RIMS2: variants seen among roughly 807,000 people sequenced by gnomAD.
RIMS2 encodes regulating synaptic membrane exocytosis 2.
A neutral mutation model predicts 174.4 loss-of-function variants in RIMS2; 59 were observed. The ratio of observed to expected loss-of-function variants is 0.34; its 90% confidence interval spans 0.27 to 0.42. The LOEUF is 0.42. Among genes scored for constraint, RIMS2 ranks in the 10% least tolerant of loss-of-function variants. The pLI, the probability that RIMS2 is intolerant of heterozygous loss-of-function variation, is 1.00. For missense variants in RIMS2, 1,620 were observed against 1,666.3 expected, an observed-to-expected ratio of 0.97 and a Z score of 0.48; for synonymous variants, 606 against 572.5, an observed-to-expected ratio of 1.06 and a Z score of -0.84.
At chr8:103,821,059 G>C (rs1363140898) in intron 3 of RIMS2, among the ~76,000 whole-genome samples, 1 of 150,842 alleles carries the variant, frequency 6.6e-6, no homozygotes, top group African/African-American at 2.4e-5. Context: ...CCAAGAATTT[G>C]TGTGTAAATG....
At chr8:104,101,561 TAC>T (rs147589283) in intron 19 of RIMS2, among the ~76,000 whole-genome samples, 19 of 151,602 alleles carry the variant, frequency 1.3e-4, no homozygotes, top group Non-Finnish European at 7.4e-5. Context: ...TACATATAGA[TAC>T]ACACACACAC....
intron 3 of RIMS2, among the ~76,000 whole-genome samples, chr8:103,772,598 T>G (rs1362295745): frequency 6.6e-6 from 1 of 152,148 alleles, no homozygotes; most frequent in Admixed American, 6.5e-5. Flanking sequence ...CCCAATTTGA[T>G]TTATATATAC....
At chr8:103,684,546 TTTATTTTATTTTA>T in intron 1 of RIMS2, among the ~76,000 whole-genome samples, 1 of 16,306 alleles carries the variant, frequency 6.1e-5, no homozygotes, top group Non-Finnish European at 8.9e-5. Flanking sequence ...CTTTTTTTAT[TTTATTTTATTTTA>T]TTTTATTTTA....
intron 19 of RIMS2, among the ~76,000 whole-genome samples, chr8:104,216,744 C>T (rs2099131668): frequency 6.6e-6 from 1 of 152,160 alleles, no homozygotes; most frequent in Non-Finnish European, 1.5e-5. Flanking sequence ...TAAGTGTTAG[C>T]CACTATTCCA....
At chr8:103,753,771 G>T (rs1433503400) in intron 2 of RIMS2, among the ~76,000 whole-genome samples, 1 of 152,142 alleles carries the variant, frequency 6.6e-6, no homozygotes, top group South Asian at 2.1e-4. Flanking sequence ...GATTGGTGGT[G>T]ATATCCCCTT....
intron 19 of RIMS2, among the ~76,000 whole-genome samples, chr8:104,164,340 G>A (rs1338745857): frequency 6.6e-6 from 1 of 151,792 alleles, no homozygotes; most frequent in African/African-American, 2.4e-5. Flanking sequence ...ATAGATTTCT[G>A]TTTTACAAAA....
chr8:103,604,657 T>C (rs955524307), intron 1 of RIMS2, among the ~76,000 whole-genome samples: 2 of 146,348 alleles, frequency 1.4e-5, no homozygotes, highest in African/African-American at 5.1e-5. Context: ...CATTTGTTTG[T>C]ATCCTCTTTT....
intron 2 of RIMS2, among the ~76,000 whole-genome samples, chr8:103,751,350 T>G (rs894127649): frequency 3.3e-5 from 5 of 151,908 alleles, no homozygotes; most frequent in Non-Finnish European, 5.9e-5. Flanking sequence ...CTATCATTGT[T>G]GGACATTTGG....
At chr8:103,628,560 G>C (rs2095840931) in intron 1 of RIMS2, among the ~76,000 whole-genome samples, 1 of 151,760 alleles carries the variant, frequency 6.6e-6, no homozygotes, top group Admixed American at 6.6e-5. Flanking sequence ...CTCCATGTTG[G>C]TCAGGCTGGT....
At chr8:103,691,032 G>T (rs544689735) in intron 1 of RIMS2, among the ~76,000 whole-genome samples, 1 of 152,226 alleles carries the variant, frequency 6.6e-6, no homozygotes, top group South Asian at 2.1e-4. Flanking sequence ...ACTTTGTCTT[G>T]ATTTCCTCTA....
intron 4 of RIMS2, among the ~76,000 whole-genome samples, chr8:103,899,982 T>C (rs1485660488): frequency 4.6e-5 from 7 of 151,748 alleles, no homozygotes; most frequent in Non-Finnish European, 1.0e-4. Context: ...AGGGAATCCT[T>C]TCCACATTTC....
chr8:103,612,490 C>G (rs578043798), intron 1 of RIMS2, among the ~76,000 whole-genome samples: 1 of 152,316 alleles, frequency 6.6e-6, no homozygotes, highest in South Asian at 2.1e-4. Flanking sequence ...CACCGTGGTT[C>G]TTGCAGACTC....
chr8:103,584,270 A>G (rs1223482582), intron 1 of RIMS2, among the ~76,000 whole-genome samples: 1 of 152,184 alleles, frequency 6.6e-6, no homozygotes, highest in African/African-American at 2.4e-5. Context: ...AAAGAGAATT[A>G]AAGACTCCCA....
chr8:103,623,477 A>AG (rs1266694148), intron 1 of RIMS2, among the ~76,000 whole-genome samples: 2 of 80,682 alleles, frequency 2.5e-5, no homozygotes, highest in East Asian at 3.5e-4. Flanking sequence ...GGGTTTCTTC[A>AG]GTTTTTTTTT....
At chr8:103,517,496 C>T (rs1829544511) in intron 1 of RIMS2, among the ~76,000 whole-genome samples, 1 of 152,106 alleles carries the variant, frequency 6.6e-6, no homozygotes, top group Admixed American at 6.6e-5. Context: ...TGACCTGCAC[C>T]AGTACAGAGA....
intron 1 of RIMS2, among the ~76,000 whole-genome samples, chr8:103,530,582 C>T (rs1050421887): frequency 6.6e-6 from 1 of 151,998 alleles, no homozygotes; most frequent in African/African-American, 2.4e-5. Flanking sequence ...ATATACTTTG[C>T]AAGCGTTAAG....
intron 19 of RIMS2, among the ~76,000 whole-genome samples, chr8:104,034,391 T>C (rs565748935): frequency 3.7e-4 from 56 of 152,046 alleles, no homozygotes; most frequent in African/African-American, 1.3e-3. Context: ...TTTTAAAGAA[T>C]GATCTTGGTA....
intron 3 of RIMS2, among the ~76,000 whole-genome samples, chr8:103,876,864 T>TTTTTATATATA (rs1378279723): frequency 2.9e-5 from 2 of 68,102 alleles, no homozygotes; most frequent in African/African-American, 4.7e-5. Context: ...ACACACTATT[T>TTTTTATATATA]TATATATATA....
At chr8:103,599,114 T>A (rs2094588730) in intron 1 of RIMS2, among the ~76,000 whole-genome samples, 1 of 152,094 alleles carries the variant, frequency 6.6e-6, no homozygotes, top group Non-Finnish European at 1.5e-5. Flanking sequence ...TTCCTCTTTT[T>A]TTCTTCTTAA....
Sources: allele counts gnomAD v4.1 joint callset (sites outside exome capture counted in the v4.1 genomes callset), GRCh38; gene constraint gnomAD v4.1.1; transcripts MANE v1.5; gene names NCBI Gene and HGNC (gene_info 2026-07-23, HGNC 2026-07-21).